Variants in TTC34 observed in about 807,000 individuals in gnomAD.
TTC34 encodes the protein tetratricopeptide repeat domain 34.
A neutral mutation model predicts 40.7 loss-of-function variants in TTC34; 44 were observed. The observed-to-expected ratio is 1.08, with a 90% CI of 0.85 to 1.39. The LOEUF is 1.39. Among genes scored for constraint, TTC34 ranks in the 40% most tolerant of loss-of-function variants. TTC34 has a pLI of 0.00. For synonymous variants in TTC34, 422 were observed against 398.6 expected, an observed-to-expected ratio of 1.06 and a Z score of -0.70; for missense variants, 884 against 838.0, an observed-to-expected ratio of 1.05 and a Z score of -0.68.
At chr1:2,797,493 C>T (rs556468144) in intron 2 of TTC34, among the ~76,000 whole-genome samples, 6 of 152,326 alleles carry the variant, frequency 3.9e-5, no homozygotes, top group Admixed American at 6.5e-5. Flanking sequence ...CCTCTCACCT[C>T]AGGGCTCACC....
intron 6 of TTC34, among the ~76,000 whole-genome samples, chr1:2,692,012 T>A (rs199940072): frequency 4.2e-3 from 24 of 5,668 alleles, no homozygotes; most frequent in East Asian, 0.011. Flanking sequence ...ACAGCATGTA[T>A]CAGCACCCAC....
exon 3 of TTC34, chr1:2,789,543 T>C (rs1389808558): frequency 1.3e-6 from 2 of 1,499,402 alleles, no homozygotes; most frequent in Non-Finnish European, 1.8e-6. Flanking sequence ...GCGGCCTCCC[T>C]CCGGCCCTGC....
At chr1:2,677,213 A>C (rs1254367994) in intron 6 of TTC34, among the ~76,000 whole-genome samples, 1 of 26,314 alleles carries the variant, frequency 3.8e-5, no homozygotes. Flanking sequence ...CCCATAGCCC[A>C]TGGTGAGCAT....
intron 6 of TTC34, among the ~76,000 whole-genome samples, chr1:2,683,472 C>A (rs535755905): frequency 6.7e-6 from 1 of 150,244 alleles, no homozygotes; most frequent in Non-Finnish European, 1.5e-5. Flanking sequence ...AGCACCCACA[C>A]CACCAGGCGA....
chr1:2,750,153 A>G (rs1450467549), intron 6 of TTC34, among the ~76,000 whole-genome samples: 1 of 121,528 alleles, frequency 8.2e-6, no homozygotes, highest in Non-Finnish European at 1.7e-5. Flanking sequence ...AGCGTGGAGC[A>G]GAACAAACAC....
At position 2,694,613 on chromosome 1, in the gene TTC34, ACGGAGCAGCACCCACACCTCCC is replaced by A. The variant is rs1640775613; in HGVS notation, c.2227-49072_2227-49051del. 4.0e-4 allele frequency among the ~76,000 whole-genome samples: 8 copies of A among 20,252 alleles called. 1 individual carries two copies. Among genetic ancestry groups the A allele is most frequent in the East Asian group, 1.2e-3 (1 of 858 alleles). 13.3% of individuals were successfully genotyped at this position (20,252 alleles called of 152,430 possible). A position where few individuals can be genotyped will look rare whatever the true frequency, so the allele number is the denominator to read the frequency against. ...CACCCACAGGCGAGCATCTGAAACC[ACGGAGCAGCACCCACACCTCCC>A]GGCGAGCATCTGACGGCCTGGAACA... On this transcript the variant is annotated intron_variant, in intron 6 of 8. Coordinates refer to ENST00000401095, the Ensembl canonical transcript of TTC34.
At chr1:2,786,797 A>G (rs1313415507) in intron 4 of TTC34, among the ~76,000 whole-genome samples, 1 of 152,156 alleles carries the variant, frequency 6.6e-6, no homozygotes, top group Non-Finnish European at 1.5e-5. Context: ...AGGAGGCCCA[A>G]TGCTGCCCCC....
intron 6 of TTC34, among the ~76,000 whole-genome samples, chr1:2,694,463 C>A (rs1475145149): frequency 2.3e-5 from 3 of 127,710 alleles, no homozygotes; most frequent in African/African-American, 9.9e-5. Flanking sequence ...TGGAGCAGCA[C>A]CCACAACCCC....
chr1:2,699,984 C>T (rs1641054894), intron 6 of TTC34, among the ~76,000 whole-genome samples: 1 of 107,798 alleles, frequency 9.3e-6, no homozygotes, highest in East Asian at 2.9e-4. Context: ...CCAAGGTGAG[C>T]ATCTGACAGC....
At chr1:2,776,607 C>A (rs1438861368) in intron 6 of TTC34, 2 of 31,776 alleles carry the variant, frequency 6.3e-5, no homozygotes, top group East Asian at 1.8e-3. Flanking sequence ...CCACTGCCCC[C>A]AGGTGAGCAT....
At chr1:2,786,438 C>T (rs1180969155) in intron 4 of TTC34, among the ~76,000 whole-genome samples, 1 of 152,202 alleles carries the variant, frequency 6.6e-6, no homozygotes, top group African/African-American at 2.4e-5. Flanking sequence ...CTGTGTGTCC[C>T]CACCTTGGTG....
At chr1:2,768,231 G>A (rs1641850811) in intron 6 of TTC34, among the ~76,000 whole-genome samples, 1 of 151,858 alleles carries the variant, frequency 6.6e-6, no homozygotes, top group Non-Finnish European at 1.5e-5. Flanking sequence ...GCTCACCTGA[G>A]GTTGGGAGTG....
intron 6 of TTC34, among the ~76,000 whole-genome samples, chr1:2,759,873 T>TCTGACAGTGTGGAACAGAAC (rs1641636880): frequency 1.1e-4 from 7 of 63,414 alleles, no homozygotes; most frequent in African/African-American, 2.1e-4. Context: ...TGGAGTAGTA[T>TCTGACAGTGTGGAACAGAAC]CCTGCACCCT....
At chr1:2,641,633 T>A in exon 9 of TTC34, 2 of 1,534,846 alleles carry the variant, frequency 1.3e-6, no homozygotes, top group African/African-American at 1.4e-5. Flanking sequence ...CGCCGCCTCA[T>A]CCCCCAGGCT....
chr1:2,683,452 A>T (rs1312675027), intron 6 of TTC34, among the ~76,000 whole-genome samples: 6 of 43,978 alleles, frequency 1.4e-4, no homozygotes, highest in East Asian at 7.1e-4. Flanking sequence ...AGCATCCGAC[A>T]GCCTGGAGCA....
intron 6 of TTC34, among the ~76,000 whole-genome samples, chr1:2,753,357 CCTA>C (rs1641391344): frequency 7.9e-6 from 1 of 127,118 alleles, no homozygotes; most frequent in African/African-American, 3.3e-5. Context: ...CATCTGACAG[CCTA>C]GAACAGCACC....
intron 6 of TTC34, among the ~76,000 whole-genome samples, chr1:2,752,284 C>A (rs1409058469): frequency 5.8e-4 from 23 of 39,470 alleles, no homozygotes; most frequent in East Asian, 1.4e-3. Flanking sequence ...GGAACAGCAC[C>A]TTGCACCCCC....
At chr1:2,641,325 T>C (rs1435077362) in exon 9 of TTC34, 2 of 1,454,470 alleles carry the variant, frequency 1.4e-6, no homozygotes, top group Non-Finnish European at 1.8e-6. Context: ...GTGCAGATGC[T>C]AGGGTGGCCC....
At chr1:2,686,703 G>A (rs1408687156) in intron 6 of TTC34, among the ~76,000 whole-genome samples, 7 of 144,298 alleles carry the variant, frequency 4.9e-5, no homozygotes, top group African/African-American at 1.3e-4. Context: ...GCACGTGACA[G>A]CCTGGAACAG....
Sources: allele counts gnomAD v4.1 joint callset (sites outside exome capture counted in the v4.1 genomes callset), GRCh38; gene constraint gnomAD v4.1.1; transcripts MANE v1.5; gene names NCBI Gene and HGNC (gene_info 2026-07-23, HGNC 2026-07-21).